DST: variants seen among roughly 807,000 people sequenced by gnomAD.
DST encodes bullous pemphigoid antigen.
DST carries 253 observed loss-of-function variants against 875.2 expected under a neutral mutation model. The ratio of observed to expected loss-of-function variants is 0.29; its 90% CI spans 0.26 to 0.32. DST has a LOEUF of 0.32. Ranked by LOEUF, DST falls within the 10% of genes least tolerant of loss-of-function variation. The pLI, the probability that DST is intolerant of heterozygous loss-of-function variation, is 1.00. For synonymous variants in DST, 3,124 were observed against 3,197.1 expected (o/e 0.98, Z 0.77); for missense variants, 8,287 against 9,111.6 (o/e 0.91, Z 3.68).
rs377406538 is a variant in DST at position 56,642,017 on chromosome 6, G to A, written c.1957C>T (p.Arg653Cys). The change falls in exon 17 of 104, where the codon CGC (arginine) becomes TGC (cysteine). Residue 653 changes from arginine (R) to cysteine (C), a missense_variant. Transcript: ENST00000680361. ...GYILECENLL[R>C]QHVIDVQILI... ...ATCTGTACATCAATTACATGCTGGC[G>A]TAAAAGGTTCTCACATTCAAGTATA... is the stretch of plus-strand genomic sequence containing the variant. 26 of 1,612,564 alleles carry A rather than the reference G, an allele frequency of 1.6e-5. No homozygotes were observed. Among genetic ancestry groups the A allele is most frequent in the South Asian group, 3.3e-5 (3 of 91,044 alleles).
chr6:56,848,902 TG>T (rs892692713), intron 4 of DST, among the ~76,000 whole-genome samples: 6 of 151,028 alleles, frequency 4.0e-5, no homozygotes, highest in Non-Finnish European at 7.4e-5. Flanking sequence ...TAGCTGGGCA[TG>T]GTGGTGCATG....
At chr6:56,874,064 T>C (rs956526400) in intron 3 of DST, among the ~76,000 whole-genome samples, 9 of 152,142 alleles carry the variant, frequency 5.9e-5, no homozygotes, top group African/African-American at 2.2e-4. Flanking sequence ...ACTTTACACC[T>C]GTGAATAACC....
At chr6:56,843,302 G>C in intron 4 of DST, 5 of 1,236,222 alleles carry the variant, frequency 4.0e-6, no homozygotes, top group Non-Finnish European at 5.1e-6. Context: ...CAGAGCGGGG[G>C]CGCAGGGGGC....
intron 29 of DST, 37 bp downstream of exon 29, chr6:56,631,846 G>C: frequency 6.3e-7 from 1 of 1,597,098 alleles, no homozygotes; most frequent in Non-Finnish European, 8.6e-7. Context: ...GTCATTAAGA[G>C]AGTTAGTTTT....
intron 61 of DST, among the ~76,000 whole-genome samples, chr6:56,538,483 A>T (rs1737239467): frequency 6.6e-6 from 1 of 152,192 alleles, no homozygotes; most frequent in South Asian, 2.1e-4. Context: ...TAATAAAGGC[A>T]CATATTAAAA....
rs765366329 is a variant in DST at position 56,851,447 on chromosome 6, T to G, written c.575A>C (p.Gln192Pro). 1.9e-6 allele frequency: 3 copies of G among 1,613,976 alleles called. No individual in the cohort carries two copies. In the South Asian group the frequency reaches 3.3e-5, roughly 18 times the overall value. The part of the protein sequence containing the change: ...PKHERSKRKI[Q>P]GGSVLDPAER... The stretch of plus-strand genomic sequence containing the variant: ...GGCAGGGTCCAGCACTGAGCCCCCT[T>G]GAATCTTTCTTTTCGATCTCTCATG... The change falls in exon 4 of 104, where the codon CAA becomes CCA. Residue 192 changes from glutamine (Q) to proline (P), a missense_variant. By Grantham distance (76) the Gln-to-Pro change is moderately conservative. Transcript: ENST00000680361.
intron 80 of DST, among the ~76,000 whole-genome samples, chr6:56,499,178 G>A (rs1390349183): frequency 6.6e-6 from 1 of 152,074 alleles, no homozygotes; most frequent in South Asian, 2.1e-4. Flanking sequence ...GTTGGCAATA[G>A]TAAAGAAAAA....
chr6:56,520,578 G>GT (rs113088327), intron 69 of DST, among the ~76,000 whole-genome samples: 5,353 of 152,110 alleles, frequency 0.035, 118 homozygotes, highest in Non-Finnish European at 0.043. Context: ...TCTCTGTATT[G>GT]TTTCTACAGC....
chr6:56,556,397 AATT>A (rs1305005376), intron 59 of DST, among the ~76,000 whole-genome samples: 1 of 152,160 alleles, frequency 6.6e-6, no homozygotes, highest in Non-Finnish European at 1.5e-5. Context: ...TGACTCATAA[AATT>A]AATGATCCAA....
intron 2 of DST, among the ~76,000 whole-genome samples, chr6:56,921,424 CTT>C (rs1804160695): frequency 6.6e-6 from 1 of 152,120 alleles, no homozygotes; most frequent in Non-Finnish European, 1.5e-5. Context: ...TTTTAAATAA[CTT>C]TGCATAATCT....
At chr6:56,508,396 G>A (rs2152471458) in intron 75 of DST, 133 bp downstream of exon 75, 4 of 722,452 alleles carry the variant, frequency 5.5e-6, no homozygotes, top group Non-Finnish European at 9.4e-6. Flanking sequence ...ATCTCCTACT[G>A]TATCACTGCA....
At chr6:56,790,697 C>G (rs2153005154) in intron 4 of DST, among the ~76,000 whole-genome samples, 1 of 152,178 alleles carries the variant, frequency 6.6e-6, no homozygotes, top group East Asian at 1.9e-4. Context: ...ATTTTACTAC[C>G]TTATTTTCAA....
Position 56,646,006 on chromosome 6 carries a change from A to C in DST, c.1651-13T>G. 6.2e-7 allele frequency: 1 copy of C among 1,607,066 alleles called. No individual in the cohort carries two copies. The highest frequency in any genetic ancestry group is 8.5e-7 in the Non-Finnish European group (1 of 1,177,972). ...ATTCTATCCAAATCTTGAGAAAACA[A>C]AAAACTTTAATGTGAAGCAAAAATG... On this transcript the variant is annotated splice_polypyrimidine_tract_variant and intron_variant, in intron 14 of 103. Transcript: ENST00000680361.
rs2099570438 is a variant in DST at position 56,745,748 on chromosome 6, G to A, written c.626-10459C>T. Among the ~76,000 whole-genome samples the A allele has an allele frequency of 2.0e-5, 3 of 152,126 alleles. No homozygotes were observed. The South Asian group carries it at 6.2e-4, about 31-fold the overall frequency. ...ATAGAGTAATAACTCCTATTAATTA[G>A]TAAGAAGGACAGCTCTTCCTAAATT... On this transcript the variant is annotated intron_variant, in intron 4 of 103. Transcript: ENST00000680361.
At chr6:56,838,092 G>A (rs1489442241) in intron 4 of DST, among the ~76,000 whole-genome samples, 1 of 151,948 alleles carries the variant, frequency 6.6e-6, no homozygotes, top group Non-Finnish European at 1.5e-5. Context: ...TTTATTCAAA[G>A]CCATTATAGA....
At chr6:56,878,650 A>G (rs1409098084) in intron 3 of DST, among the ~76,000 whole-genome samples, 1 of 152,134 alleles carries the variant, frequency 6.6e-6, no homozygotes, top group Admixed American at 6.6e-5. Context: ...AGAGGACACA[A>G]ACTGCCAGGT....
chr6:56,606,210 G>A lies in DST; in HGVS notation c.8418C>T (p.Asp2806=), dbSNP rs766416894. Residue 2806 remains aspartate (D), a synonymous_variant, in exon 40 of 104, where the codon GAC becomes GAT. Transcript: ENST00000680361. ...CTTCATCAATGCCATCATCATCATCGTCATCCTGATCATTACTGTCATATA... is the reference window on the plus strand; with the variant it reads ...CTTCATCAATGCCATCATCATCATCATCATCCTGATCATTACTGTCATATA... ...DYIYDSNDQD[D]DDDDGIDEEG... 11 of 1,572,792 alleles carry A rather than the reference G, an allele frequency of 7.0e-6. No homozygotes were observed. The highest frequency in any genetic ancestry group is 4.1e-5 in the African/African-American group (3 of 73,878).
intron 4 of DST, among the ~76,000 whole-genome samples, chr6:56,801,845 G>A (rs1035298909): frequency 2.6e-5 from 4 of 151,522 alleles, no homozygotes; most frequent in Middle Eastern, 3.4e-3. Flanking sequence ...CACCTCCCGG[G>A]TTCAAGCGAT....
At chr6:56,715,165 G>GA (rs1185078270) in intron 5 of DST, among the ~76,000 whole-genome samples, 5 of 152,026 alleles carry the variant, frequency 3.3e-5, no homozygotes, top group Non-Finnish European at 7.4e-5. Context: ...GGATCACAGG[G>GA]AAAAAAACAG....
Sources: allele counts gnomAD v4.1 joint callset (sites outside exome capture counted in the v4.1 genomes callset), GRCh38; gene constraint gnomAD v4.1.1; transcripts MANE v1.5; gene names NCBI Gene and HGNC (gene_info 2026-07-23, HGNC 2026-07-21).